MESD: variants seen among roughly 807,000 people sequenced by gnomAD.
MESD encodes the protein mesoderm development LRP chaperone.
A neutral mutation model predicts 12.9 loss-of-function variants in MESD; 7 were observed. That is an observed-to-expected ratio of 0.54 (90% confidence interval 0.31 to 1.02). MESD has a LOEUF of 1.02. Ranked by LOEUF, MESD falls within the 50% of genes least tolerant of loss-of-function variation. The probability of loss-of-function intolerance (pLI) is 0.05; values close to 1 mark genes in which losing one functional copy is unlikely to be tolerated. For synonymous variants in MESD, 126 were observed against 115.6 expected (o/e 1.09, Z -0.58); for missense variants, 342 against 296.7 (o/e 1.15, Z -1.12).
chr15:80,988,822 G>A (rs921144376), intron 1 of MESD, among the ~76,000 whole-genome samples: 1 of 152,170 alleles, frequency 6.6e-6, no homozygotes, highest in Non-Finnish European at 1.5e-5. Flanking sequence ...AAGTCAACCA[G>A]GACGATACAA....
chr15:80,956,768 C>T (rs1326501666), intron 3 of MESD, among the ~76,000 whole-genome samples: 1 of 152,088 alleles, frequency 6.6e-6, no homozygotes, highest in Admixed American at 6.5e-5. Context: ...AAAACAGATA[C>T]AAGGACGGAG....
chr15:80,970,886 A>C (rs1902272977), downstream of MESD, among the ~76,000 whole-genome samples: 1 of 152,184 alleles, frequency 6.6e-6, no homozygotes, highest in Non-Finnish European at 1.5e-5. Context: ...GGTTAAACAG[A>C]CCTAACAGGA....
chr15:80,949,870 T>A (rs893616275), intron 4 of MESD: 1 of 152,336 alleles, frequency 6.6e-6, no homozygotes, highest in Non-Finnish European at 1.5e-5. Context: ...AGGCAGCCTC[T>A]GGAATGGCTC....
At chr15:80,955,346 C>T (rs1901947513) in intron 3 of MESD, among the ~76,000 whole-genome samples, 1 of 150,486 alleles carries the variant, frequency 6.6e-6, no homozygotes, top group South Asian at 2.1e-4. Flanking sequence ...AAAAAAATAG[C>T]CGGGCGCAGT....
intron 3 of MESD, chr15:80,953,001 G>C (rs771221115): frequency 2.9e-5 from 13 of 456,086 alleles, no homozygotes; most frequent in South Asian, 2.0e-4. Context: ...GATTGGTCAG[G>C]GAAGGTCAGT....
intron 1 of MESD, among the ~76,000 whole-genome samples, chr15:80,983,894 CTTTTTT>C (rs10570822): frequency 2.8e-4 from 25 of 88,496 alleles, no homozygotes; most frequent in African/African-American, 4.5e-4. Context: ...AAAACAGTAA[CTTTTTT>C]TTTTTTTTTT....
chr15:80,948,840 C>T (rs1340008060), exon 5 of MESD: 2 of 1,614,114 alleles, frequency 1.2e-6, no homozygotes, highest in Non-Finnish European at 1.7e-6. Flanking sequence ...TCCGGCCCAT[C>T]TGGGTGACAC....
At chr15:80,981,360 C>T (rs142653014) in intron 2 of MESD, among the ~76,000 whole-genome samples, 1,460 of 140,738 alleles carry the variant, frequency 0.01, 25 homozygotes, top group African/African-American at 0.037. Flanking sequence ...TGGCGTGAAC[C>T]GGGAAGGCGG....
At chr15:80,948,942 T>C (rs1053904342) in intron 4 of MESD, 4 of 1,614,114 alleles carry the variant, frequency 2.5e-6, no homozygotes, top group African/African-American at 1.3e-5. Flanking sequence ...TGCCGCCCGG[T>C]GCCACCTCGT....
At chr15:80,947,010 C>T, downstream of MESD, 1 of 1,614,066 alleles carries the variant, frequency 6.2e-7, no homozygotes. Context: ...TCTCCAGAGG[C>T]CCATGGACCA....
At chr15:80,953,598 A>C (rs890188229) in intron 3 of MESD, among the ~76,000 whole-genome samples, 2 of 152,194 alleles carry the variant, frequency 1.3e-5, no homozygotes, top group African/African-American at 4.8e-5. Flanking sequence ...AGGTCAGAAA[A>C]GTGTGGCAGA....
In MESD at chr15:80,960,723, C is replaced by T. The variant is rs981110313; in HGVS notation, c.*289-8427G>A. 3.9e-5 allele frequency among the ~76,000 whole-genome samples: 6 copies of T among 152,104 alleles called. No individual in the cohort carries two copies. In the South Asian group the frequency reaches 1.0e-3, roughly 26 times the overall value. ...AACTCTAAACAATATTGACAGGAAA[C>T]GAGTTTAAAATACATATCCCAGAAA... On this transcript the variant is annotated intron_variant, in intron 3 of 4. Transcript: ENST00000561312.
intron 3 of MESD, among the ~76,000 whole-genome samples, chr15:80,963,971 T>C (rs1167584761): frequency 1.3e-5 from 2 of 152,202 alleles, no homozygotes; most frequent in East Asian, 3.8e-4. Context: ...TTGGAAGTTC[T>C]GGCCAGGGCA....
chr15:80,970,986 T>C (rs1346670824), downstream of MESD, among the ~76,000 whole-genome samples: 5 of 152,134 alleles, frequency 3.3e-5, no homozygotes, highest in Non-Finnish European at 7.4e-5. Context: ...TGATTAGATA[T>C]CAAGGGTAAG....
At chr15:80,986,352 T>C (rs1902731489) in intron 1 of MESD, among the ~76,000 whole-genome samples, 1 of 152,166 alleles carries the variant, frequency 6.6e-6, no homozygotes, top group African/African-American at 2.4e-5. Context: ...TATAGCATTG[T>C]AGGATGACTA....
exon 5 of MESD, chr15:80,948,360 C>A: frequency 3.4e-6 from 1 of 293,336 alleles, no homozygotes; most frequent in South Asian, 3.5e-5. Context: ...CTTTCTAGAG[C>A]CACAGAGTGA....
At chr15:80,974,378 T>C (rs1234661672), downstream of MESD, among the ~76,000 whole-genome samples, 1 of 152,124 alleles carries the variant, frequency 6.6e-6, no homozygotes, top group Non-Finnish European at 1.5e-5. Flanking sequence ...AGATGTGGCA[T>C]CTACCCAAAC....
At chr15:80,973,775 A>T (rs1902343696), downstream of MESD, among the ~76,000 whole-genome samples, 1 of 152,066 alleles carries the variant, frequency 6.6e-6, no homozygotes, top group East Asian at 1.9e-4. Flanking sequence ...TTTTTTTTAA[A>T]GAAAACATTT....
Position 80,978,005 on chromosome 15 carries a change from G to C in MESD, c.*1214C>G, listed in dbSNP as rs1221841593. ...CAAATTAAGGGGAAACAGATGCTGT[G>C]AGGCCAAAACAAACATACATCACCA... On this transcript the variant is annotated 3_prime_UTR_variant, in exon 3 of 3. Transcript: ENST00000261758. The C allele has an allele frequency of 1.3e-5, 2 of 152,172 alleles. No individual in the cohort carries two copies. Among genetic ancestry groups the C allele is most frequent in the Admixed American group, 1.3e-4 (2 of 15,272 alleles). 9.4% of individuals were successfully genotyped at this position (152,172 alleles called of 1,614,324 possible).
Sources: gnomAD v4.1 joint callset for allele counts (sites outside exome capture counted in the v4.1 genomes callset) on GRCh38, gnomAD v4.1.1 for gene constraint, MANE v1.5 for transcripts, NCBI Gene and HGNC (gene_info 2026-07-23, HGNC 2026-07-21) for gene names.